NTRK3: variants seen among roughly 807,000 people sequenced by gnomAD.
The protein encoded by NTRK3 is neurotrophic receptor tyrosine kinase 3, also known as NT-3 growth factor receptor.
NTRK3 carries 24 observed loss-of-function variants against 91.7 expected under a neutral mutation model. The observed-to-expected ratio is 0.26, with a 90% CI of 0.19 to 0.37. The LOEUF (loss-of-function observed/expected upper bound fraction) is 0.37. Among genes scored for constraint, NTRK3 ranks in the 10% least tolerant of loss-of-function variants. The pLI is 1.00. For synonymous variants in NTRK3, 483 were observed against 404.0 expected (o/e 1.20, Z -2.34); for missense variants, 880 against 1,068.9 (o/e 0.82, Z 2.46).
At chr15:88,174,132 C>T (rs1176211302) in intron 5 of NTRK3, among the ~76,000 whole-genome samples, 3 of 152,134 alleles carry the variant, frequency 2.0e-5, no homozygotes. Context: ...AACAGATTTC[C>T]TCTGGTCCTG....
chr15:87,989,229 A>G (rs2141467115), intron 14 of NTRK3, among the ~76,000 whole-genome samples: 1 of 152,354 alleles, frequency 6.6e-6, no homozygotes, highest in Non-Finnish European at 1.5e-5. Context: ...TACTATTCAC[A>G]ATAGTGAAGA....
At chr15:87,907,918 C>T (rs1463039244) in intron 17 of NTRK3, among the ~76,000 whole-genome samples, 1 of 152,134 alleles carries the variant, frequency 6.6e-6, no homozygotes, top group African/African-American at 2.4e-5. Flanking sequence ...GGGGATCTGA[C>T]TCAGTCACAG....
intron 17 of NTRK3, among the ~76,000 whole-genome samples, chr15:87,910,112 G>T (rs920643418): frequency 6.6e-6 from 1 of 152,184 alleles, no homozygotes; most frequent in African/African-American, 2.4e-5. Context: ...AAGGAGACTG[G>T]CAGGGGCTTC....
chr15:87,864,855 A>G (rs1270778714), exon 19 of NTRK3: 1 of 227,854 alleles, frequency 4.4e-6, no homozygotes, highest in African/African-American at 2.2e-5. Flanking sequence ...AGTGGGCTCT[A>G]TTATTTGTCT....
intron 17 of NTRK3, among the ~76,000 whole-genome samples, chr15:87,915,011 G>A (rs1375001545): frequency 2.6e-5 from 4 of 152,130 alleles, no homozygotes; most frequent in African/African-American, 9.7e-5. Flanking sequence ...TGGTGGTGTT[G>A]GTAATGATGT....
intron 13 of NTRK3, among the ~76,000 whole-genome samples, chr15:88,122,826 T>G (rs892781493): frequency 3.9e-5 from 6 of 152,130 alleles, no homozygotes; most frequent in Non-Finnish European, 7.3e-5. Context: ...CATTGTTAAT[T>G]TATAAGCTGT....
At chr15:87,994,567 C>T (rs2075543666) in intron 14 of NTRK3, among the ~76,000 whole-genome samples, 1 of 152,218 alleles carries the variant, frequency 6.6e-6, no homozygotes, top group Non-Finnish European at 1.5e-5. Context: ...GCCCTCCAGA[C>T]ACCTTGATCT....
At chr15:87,905,930 T>C (rs2066740544) in intron 17 of NTRK3, among the ~76,000 whole-genome samples, 2 of 152,168 alleles carry the variant, frequency 1.3e-5, no homozygotes, top group South Asian at 4.1e-4. Context: ...GCAGCAGAAG[T>C]TGCTGTGCCT....
chr15:87,962,976 A>G (rs1027864285), intron 14 of NTRK3, among the ~76,000 whole-genome samples: 2 of 152,192 alleles, frequency 1.3e-5, no homozygotes, highest in African/African-American at 4.8e-5. Context: ...GAACAACATT[A>G]TGTGAATGTT....
intron 3 of NTRK3, among the ~76,000 whole-genome samples, chr15:88,206,374 A>T (rs917438519): frequency 7.1e-6 from 1 of 140,446 alleles, no homozygotes; most frequent in Non-Finnish European, 1.5e-5. Context: ...AAACAAAAAA[A>T]CAGGCCGGGC....
chr15:87,948,788 T>C (rs2070817472), intron 14 of NTRK3, among the ~76,000 whole-genome samples: 1 of 152,250 alleles, frequency 6.6e-6, no homozygotes, highest in Non-Finnish European at 1.5e-5. Flanking sequence ...GCCCTGATTG[T>C]TCCTGTTGCT....
Position 88,122,847 on chromosome 15 carries a change from T to C in NTRK3, c.1396+3424A>G, listed in dbSNP as rs565380674. 4.6e-5 allele frequency among the ~76,000 whole-genome samples: 7 copies of C among 152,334 alleles called. No individual in the cohort carries two copies. In the East Asian group the frequency reaches 1.3e-3, roughly 29 times the overall value. On this transcript the variant is annotated intron_variant, in intron 13 of 18. Coordinates refer to ENST00000394480, the Ensembl canonical transcript of NTRK3. ...TAATTTATAAGCTGTACTTTTTTTA[T>C]TATTAAAATTAAAGTCATTCATTTC... is the stretch of plus-strand genomic sequence containing the variant.
chr15:87,981,446 G>T lies in NTRK3; in HGVS notation c.1586-40693C>A, dbSNP rs181674494. On this transcript the variant is annotated intron_variant, in intron 14 of 18. Coordinates refer to ENST00000394480, the Ensembl canonical transcript of NTRK3. ...ACATGGGAAAGTATTTTTCTTAAGTGCACAATGCCAGAAACAGAAATCCAG... is the reference window on the plus strand; with the variant it reads ...ACATGGGAAAGTATTTTTCTTAAGTTCACAATGCCAGAAACAGAAATCCAG... The T allele has an allele frequency of 1.5e-4, 240 of 1,589,082 alleles. 2 individuals are homozygous for T. In the African/African-American group the frequency reaches 2.6e-3, roughly 18 times the overall value.
chr15:88,015,393 C>T (rs554695322), intron 14 of NTRK3, among the ~76,000 whole-genome samples: 43 of 152,254 alleles, frequency 2.8e-4, no homozygotes, highest in African/African-American at 1.0e-3. Flanking sequence ...AGCCCTGCCC[C>T]CACCAAACCC....
chr15:88,198,488 TCA>T (rs1227214285), intron 3 of NTRK3, among the ~76,000 whole-genome samples: 1 of 152,140 alleles, frequency 6.6e-6, no homozygotes, highest in Non-Finnish European at 1.5e-5. Context: ...CGCCACCCAG[TCA>T]CAGTCACTCA....
At chr15:87,921,351 A>G (rs961009984) in intron 17 of NTRK3, among the ~76,000 whole-genome samples, 1 of 152,216 alleles carries the variant, frequency 6.6e-6, no homozygotes, top group African/African-American at 2.4e-5. Flanking sequence ...GCCTGGGTCT[A>G]CTTAGGAGTA....
At chr15:88,139,816 A>G (rs2042211163) in intron 6 of NTRK3, among the ~76,000 whole-genome samples, 1 of 151,426 alleles carries the variant, frequency 6.6e-6, no homozygotes, top group Non-Finnish European at 1.5e-5. Context: ...TCTCCACCCC[A>G]TCTGTCATGT....
At chr15:88,028,980 A>G (rs376348447) in intron 14 of NTRK3, among the ~76,000 whole-genome samples, 1 of 152,212 alleles carries the variant, frequency 6.6e-6, no homozygotes, top group Non-Finnish European at 1.5e-5. Context: ...CTGAGGGTCC[A>G]ATGTTGCTAC....
chr15:87,972,809 A>C (rs931425366), intron 14 of NTRK3, among the ~76,000 whole-genome samples: 1 of 152,132 alleles, frequency 6.6e-6, no homozygotes, highest in African/African-American at 2.4e-5. Flanking sequence ...GGTAATTTGC[A>C]ACCCTGCCGT....
Sources: gnomAD v4.1 joint callset for allele counts (sites outside exome capture counted in the v4.1 genomes callset) on GRCh38, gnomAD v4.1.1 for gene constraint, MANE v1.5 for transcripts, NCBI Gene and HGNC (gene_info 2026-07-23, HGNC 2026-07-21) for gene names.